NR3C2: variants seen among roughly 807,000 people sequenced by gnomAD.
NR3C2 encodes nuclear receptor subfamily 3 group C member 2.
NR3C2 carries 15 observed loss-of-function variants against 86.4 expected under a neutral mutation model. The observed-to-expected ratio is 0.17, with a 90% CI of 0.12 to 0.27. NR3C2 has a LOEUF of 0.27. Among genes scored for constraint, NR3C2 ranks in the 10% least tolerant of loss-of-function variants. The probability of loss-of-function intolerance (pLI) is 1.00; values close to 1 mark genes in which losing one functional copy is unlikely to be tolerated. For missense variants in NR3C2, 960 were observed against 1,195.6 expected (o/e 0.80, Z 2.91); for synonymous variants, 458 against 450.5 (o/e 1.02, Z -0.21).
chr4:148,353,635 GTTTTAC>G (rs971069888), intron 2 of NR3C2, among the ~76,000 whole-genome samples: 1 of 152,108 alleles, frequency 6.6e-6, no homozygotes, highest in African/African-American at 2.4e-5. Flanking sequence ...TGATGAATGA[GTTTTAC>G]TTTTACAGAG....
At chr4:148,307,073 CTTTT>C (rs57940818) in intron 2 of NR3C2, among the ~76,000 whole-genome samples, 3 of 149,184 alleles carry the variant, frequency 2.0e-5, no homozygotes, top group Non-Finnish European at 4.5e-5. Flanking sequence ...TTTAAATTTA[CTTTT>C]TTTTTTCTAT....
upstream of NR3C2, chr4:148,442,571 T>C: frequency 3.4e-6 from 3 of 883,190 alleles, no homozygotes; most frequent in Non-Finnish European, 4.1e-6. Flanking sequence ...CCCGCCCCCC[T>C]GAACCCTTCC....
chr4:148,374,074 T>G (rs1746554831), intron 2 of NR3C2, among the ~76,000 whole-genome samples: 1 of 152,162 alleles, frequency 6.6e-6, no homozygotes, highest in Admixed American at 6.5e-5. Context: ...CTGGAACATC[T>G]TCAGAATTAC....
intron 2 of NR3C2, among the ~76,000 whole-genome samples, chr4:148,271,784 T>G (rs981329189): frequency 2.0e-5 from 3 of 152,286 alleles, no homozygotes; most frequent in African/African-American, 7.2e-5. Context: ...ATTTAAACAT[T>G]TAATTTAAAT....
chr4:148,284,534 C>T (rs1741420686), intron 2 of NR3C2, among the ~76,000 whole-genome samples: 1 of 152,056 alleles, frequency 6.6e-6, no homozygotes, highest in Non-Finnish European at 1.5e-5. Context: ...TTTTAAAACA[C>T]ATCAGGTAAA....
At chr4:148,287,729 G>C (rs1454134260) in intron 2 of NR3C2, among the ~76,000 whole-genome samples, 4 of 152,094 alleles carry the variant, frequency 2.6e-5, no homozygotes, top group Non-Finnish European at 4.4e-5. Flanking sequence ...TGCCTTGAGT[G>C]TGTATTGTAA....
chr4:148,360,570 G>A (rs1745787584), intron 2 of NR3C2, among the ~76,000 whole-genome samples: 1 of 151,926 alleles, frequency 6.6e-6, no homozygotes, highest in African/African-American at 2.4e-5. Flanking sequence ...TTTCCCTTAA[G>A]AACCTTTAAA....
rs374979968 is a variant in NR3C2 at position 148,324,582 on chromosome 4, A to T, written c.1758-64465T>A. The stretch of plus-strand genomic sequence containing the variant: ...AGTACAAACTTTCAGTTATAAGATA[A>T]ATAAGTTCCAGGAACCTAATATACA... On this transcript the variant is annotated intron_variant, in intron 2 of 8. Transcript: ENST00000358102. Among the ~76,000 whole-genome samples the T allele has an allele frequency of 5.8e-4, 88 of 152,238 alleles. 1 individual carries two copies. In the South Asian group the frequency reaches 0.018, roughly 31 times the overall value.
At chr4:148,436,890 TAG>T (rs750108465) in intron 1 of NR3C2, 28 bp from the exon 2 acceptor site, 1 of 1,536,060 alleles carries the variant, frequency 6.5e-7, no homozygotes. Context: ...ATTAAAAAAT[TAG>T]AGTCAGTTAT....
At chr4:148,121,146 T>C (rs1159279937) in intron 6 of NR3C2, among the ~76,000 whole-genome samples, 3 of 152,012 alleles carry the variant, frequency 2.0e-5, no homozygotes, top group Non-Finnish European at 4.4e-5. Context: ...TGGTGAAAAA[T>C]GGGAAAGGAC....
At chr4:148,375,317 G>A (rs977693966) in intron 2 of NR3C2, among the ~76,000 whole-genome samples, 1 of 152,010 alleles carries the variant, frequency 6.6e-6, no homozygotes, top group East Asian at 1.9e-4. Flanking sequence ...TCAGCCAGGC[G>A]TGGTGGTGGG....
At chr4:148,149,165 G>A in intron 6 of NR3C2, among the ~76,000 whole-genome samples, 1 of 152,182 alleles carries the variant, frequency 6.6e-6, no homozygotes. Context: ...AAACCCTACA[G>A]AAGTCTGGGT....
intron 3 of NR3C2, among the ~76,000 whole-genome samples, chr4:148,258,087 G>A (rs1739915375): frequency 2.6e-5 from 4 of 152,178 alleles, no homozygotes; most frequent in African/African-American, 9.7e-5. Flanking sequence ...TAGAGAAGGG[G>A]CAGATTCTAC....
intron 2 of NR3C2, among the ~76,000 whole-genome samples, chr4:148,362,921 C>T (rs886763836): frequency 1.3e-5 from 2 of 152,110 alleles, no homozygotes; most frequent in African/African-American, 4.8e-5. Flanking sequence ...TTCTACATGC[C>T]GTTCAAACAC....
At chr4:148,239,187 G>A (rs190350874) in intron 3 of NR3C2, among the ~76,000 whole-genome samples, 10 of 152,112 alleles carry the variant, frequency 6.6e-5, no homozygotes, top group African/African-American at 2.4e-4. Flanking sequence ...TGAATGCTGG[G>A]TGGGCTCATT....
chr4:148,328,343 G>A (rs963611874), intron 2 of NR3C2, among the ~76,000 whole-genome samples: 3 of 152,170 alleles, frequency 2.0e-5, no homozygotes, highest in African/African-American at 7.2e-5. Context: ...GCATTCATGT[G>A]ACACAAGACA....
At chr4:148,271,952 T>C (rs1352712198) in intron 2 of NR3C2, among the ~76,000 whole-genome samples, 4 of 152,204 alleles carry the variant, frequency 2.6e-5, no homozygotes, top group African/African-American at 9.6e-5. Context: ...GGATAGTTAC[T>C]TCCAAATATC....
chr4:148,302,103 G>A (rs1700847727), intron 2 of NR3C2, among the ~76,000 whole-genome samples: 1 of 152,090 alleles, frequency 6.6e-6, no homozygotes. Flanking sequence ...TTGTTGTCTT[G>A]TTTTGATCTT....
intron 3 of NR3C2, among the ~76,000 whole-genome samples, chr4:148,253,453 C>T (rs143123302): frequency 1.1e-3 from 173 of 152,332 alleles, no homozygotes; most frequent in African/African-American, 3.8e-3. Flanking sequence ...TAGTTATTCA[C>T]ACACGTGTGC....
Sources: allele counts gnomAD v4.1 joint callset (sites outside exome capture counted in the v4.1 genomes callset), GRCh38; gene constraint gnomAD v4.1.1; transcripts MANE v1.5; gene names NCBI Gene and HGNC (gene_info 2026-07-23, HGNC 2026-07-21).